Variants in BTBD8 observed in about 807,000 individuals in gnomAD.
The protein encoded by BTBD8 is BTB/POZ domain-containing protein 8.
A neutral mutation model predicts 162.9 loss-of-function variants in BTBD8; 110 were observed. That is an observed-to-expected ratio of 0.68 (90% confidence interval 0.58 to 0.79). BTBD8 has a LOEUF of 0.79. Among genes scored for constraint, BTBD8 ranks in the 30% least tolerant of loss-of-function variants. BTBD8 has a pLI of 0.00. For missense variants in BTBD8, 1,905 were observed against 2,085.4 expected (o/e 0.91, Z 1.68); for synonymous variants, 667 against 716.1 (o/e 0.93, Z 1.10).
intron 4 of BTBD8, chr1:92,115,674 G>T: frequency 2.9e-6 from 1 of 350,566 alleles, no homozygotes; most frequent in South Asian, 2.8e-5. Context: ...GGAACATGTA[G>T]ACCATGTAGT....
chr1:92,166,218 T>C (rs1650381518), intron 9 of BTBD8, among the ~76,000 whole-genome samples: 1 of 152,094 alleles, frequency 6.6e-6, no homozygotes, highest in Non-Finnish European at 1.5e-5. Context: ...TTATAAGTAA[T>C]TTTTAGTCTT....
chr1:92,140,248 C>T (rs1021969488), intron 6 of BTBD8, among the ~76,000 whole-genome samples: 1 of 114,488 alleles, frequency 8.7e-6, no homozygotes, highest in Admixed American at 9.6e-5. Context: ...TAGCGAGACC[C>T]GGTTCTTGGG....
chr1:92,155,627 A>G (rs190454430), intron 9 of BTBD8, among the ~76,000 whole-genome samples: 9 of 152,110 alleles, frequency 5.9e-5, no homozygotes, highest in Non-Finnish European at 1.3e-4. Flanking sequence ...ATTTCTTTCA[A>G]TGTTTTGTAG....
chr1:92,122,415 C>T (rs993670128), intron 4 of BTBD8, among the ~76,000 whole-genome samples: 5 of 151,774 alleles, frequency 3.3e-5, no homozygotes, highest in African/African-American at 9.7e-5. Context: ...TGTGCCACCA[C>T]GCCCAGCTAA....
In BTBD8 at chr1:92,139,385, T is replaced by C. The variant is rs1484219541; in HGVS notation, c.788T>C (p.Phe263Ser). Residue 263 changes from phenylalanine (F) to serine (S), a missense_variant, in exon 6 of 18, where the codon TTT becomes TCT. Coordinates refer to ENST00000636805, the MANE Select transcript of BTBD8 (RefSeq NM_001376131.1). ...SHVELNVMMH[F>S]IYGGTLDIPD... ...GTAGAACTGAATGTTATGATGCATT[T>C]TATATATGGAGGAACTCTGGACATT... The C allele has an allele frequency of 6.3e-7, 1 of 1,593,044 alleles. No individual in the cohort carries two copies. The highest frequency in any genetic ancestry group is 1.4e-5 in the African/African-American group (1 of 73,508).
At chr1:92,151,918 T>G (rs769424651) in intron 9 of BTBD8, among the ~76,000 whole-genome samples, 1 of 152,214 alleles carries the variant, frequency 6.6e-6, no homozygotes, top group Non-Finnish European at 1.5e-5. Context: ...GGTGTATATG[T>G]ACCACATTTT....
chr1:92,125,883 A>C (rs1348785476), intron 4 of BTBD8: 1 of 423,818 alleles, frequency 2.4e-6, no homozygotes, highest in Non-Finnish European at 4.7e-6. Context: ...TGTCTGTGTC[A>C]ATGATGAATG....
chr1:92,171,194 C>G lies in BTBD8; in HGVS notation c.1574-205C>G, dbSNP rs1014398548. ...ATTTTAATAACATAAAACCTAGGGG[C>G]CAGAGAATAAGATAGAAAATGAGGT... On this transcript the variant is annotated intron_variant, in intron 12 of 17. Coordinates refer to ENST00000636805, the MANE Select transcript of BTBD8 (RefSeq NM_001376131.1). Among the ~76,000 whole-genome samples, 44 of 151,428 alleles carry G rather than the reference C, an allele frequency of 2.9e-4. 1 individual carries two copies. Among genetic ancestry groups the G allele is most frequent in the Middle Eastern group, 3.5e-3 (1 of 288 alleles).
chr1:92,100,849 T>G (rs777881795), intron 2 of BTBD8, among the ~76,000 whole-genome samples: 2 of 152,200 alleles, frequency 1.3e-5, no homozygotes, highest in Admixed American at 6.5e-5. Flanking sequence ...GACCTCGTGA[T>G]TCGTTTGCCT....
rs10631515 is a variant in BTBD8, at chr1:92,144,810, T to TACACACACACACAC, written c.931-2351_931-2338dup. On this transcript the variant is annotated intron_variant, in intron 7 of 17. Coordinates refer to ENST00000636805, the MANE Select transcript of BTBD8 (RefSeq NM_001376131.1). ...TGGGTGACAGAGCCAAAAAAAAAAC[T>TACACACACACACAC]ACACACACACACACACACACACACA... 4.2e-3 allele frequency among the ~76,000 whole-genome samples: 595 copies of TACACACACACACAC among 140,780 alleles called. 8 individuals are homozygous for TACACACACACACAC. Among genetic ancestry groups the TACACACACACACAC allele is most frequent in the African/African-American group, 0.015 (573 of 37,668 alleles). The allele number at this position is 140,780 out of a possible 152,430, so 92.4% of individuals were successfully genotyped here.
intron 12 of BTBD8, among the ~76,000 whole-genome samples, chr1:92,170,630 C>A (rs1650512244): frequency 6.6e-6 from 1 of 151,938 alleles, no homozygotes; most frequent in South Asian, 2.1e-4. Context: ...TAATAAAAAT[C>A]AAATAATTTT....
intron 7 of BTBD8, among the ~76,000 whole-genome samples, chr1:92,141,984 A>G (rs1214786669): frequency 1.3e-5 from 2 of 152,140 alleles, no homozygotes; most frequent in Middle Eastern, 3.2e-3. Context: ...TTAAATTTAG[A>G]TTTTTGTTTT....
At chr1:92,129,458 C>G (rs1649453393) in intron 4 of BTBD8, among the ~76,000 whole-genome samples, 1 of 151,514 alleles carries the variant, frequency 6.6e-6, no homozygotes, top group African/African-American at 2.4e-5. Context: ...TGCATTCCAG[C>G]CAGGGTGACA....
chr1:92,177,023 A>G lies in BTBD8; in HGVS notation c.1830A>G (p.Lys610=). Residue 610 remains lysine (K), a synonymous_variant, in exon 14 of 18, where the codon AAA becomes AAG. Coordinates refer to ENST00000636805, the MANE Select transcript of BTBD8 (RefSeq NM_001376131.1). ...TGAAGCAAGATGATGTAAAGGAAAA[A>G]GATGGTACAAAAATAGCATCTAAGA... is the stretch of plus-strand genomic sequence containing the variant. ...KTLKQDDVKE[K]DGTKIASKIT... The G allele has an allele frequency of 6.5e-7, 1 of 1,549,056 alleles. No individual in the cohort carries two copies. The highest frequency in any genetic ancestry group is 8.7e-7 in the Non-Finnish European group (1 of 1,146,122).
chr1:92,171,581 G>T, intron 13 of BTBD8, 121 bp downstream of exon 13: 3 of 618,798 alleles, frequency 4.8e-6, no homozygotes, highest in South Asian at 4.2e-5. Flanking sequence ...ATTTCTTAAT[G>T]GAAAATTTTT....
intron 3 of BTBD8, among the ~76,000 whole-genome samples, chr1:92,103,161 G>T (rs1357868126): frequency 6.6e-6 from 1 of 152,196 alleles, no homozygotes; most frequent in Non-Finnish European, 1.5e-5. Context: ...AAGGGTTGCA[G>T]CTTGTGAGTT....
At chr1:92,154,530 G>C (rs1650115860) in intron 9 of BTBD8, among the ~76,000 whole-genome samples, 1 of 152,168 alleles carries the variant, frequency 6.6e-6, no homozygotes. Context: ...TTTCCCTGAT[G>C]ATTAATGACA....
chr1:92,086,285 A>G (rs1441367160), intron 1 of BTBD8, among the ~76,000 whole-genome samples: 5 of 152,124 alleles, frequency 3.3e-5, no homozygotes, highest in African/African-American at 1.2e-4. Flanking sequence ...CCTTTGGCAC[A>G]GAGCTTGGTG....
chr1:92,103,554 C>T (rs1288359899), intron 3 of BTBD8, among the ~76,000 whole-genome samples: 3 of 152,186 alleles, frequency 2.0e-5, no homozygotes, highest in African/African-American at 7.2e-5. Flanking sequence ...CAGTGAGGGC[C>T]TGATGTTACC....
Sources: allele counts gnomAD v4.1 joint callset (sites outside exome capture counted in the v4.1 genomes callset), GRCh38; gene constraint gnomAD v4.1.1; transcripts MANE v1.5; gene names NCBI Gene and HGNC (gene_info 2026-07-23, HGNC 2026-07-21).